AIG1: variants seen among roughly 807,000 people sequenced by gnomAD.
The protein encoded by AIG1 is androgen induced 1, also known as androgen-induced gene 1 protein.
A neutral mutation model predicts 31.4 loss-of-function variants in AIG1; 23 were observed. The ratio of observed to expected loss-of-function variants is 0.73; its 90% CI spans 0.53 to 1.04. The LOEUF (loss-of-function observed/expected upper bound fraction) is 1.04. Ranked by LOEUF, AIG1 falls within the 50% of genes least tolerant of loss-of-function variation. The pLI is 0.00. For synonymous variants in AIG1, 100 were observed against 110.5 expected, an observed-to-expected ratio of 0.90 and a Z score of 0.60; for missense variants, 274 against 295.0, an observed-to-expected ratio of 0.93 and a Z score of 0.52.
chr6:143,240,267 G>A (rs371363420), intron 3 of AIG1, among the ~76,000 whole-genome samples: 11 of 152,204 alleles, frequency 7.2e-5, no homozygotes, highest in African/African-American at 2.7e-4. Flanking sequence ...TATAGGTGGT[G>A]TAGTTTCATA....
At chr6:143,230,681 G>A (rs539605728) in intron 3 of AIG1, among the ~76,000 whole-genome samples, 197 of 151,654 alleles carry the variant, frequency 1.3e-3, no homozygotes, top group African/African-American at 4.7e-3. Flanking sequence ...TCAAACCATG[G>A]ATATTATTAC....
At chr6:143,073,706 A>G (rs763899235) in intron 1 of AIG1, among the ~76,000 whole-genome samples, 7 of 152,160 alleles carry the variant, frequency 4.6e-5, no homozygotes, top group African/African-American at 7.2e-5. Flanking sequence ...ACTAGCATCT[A>G]CTTCTGGGGA....
chr6:143,107,970 A>G (rs910349703), intron 1 of AIG1, among the ~76,000 whole-genome samples: 1 of 152,180 alleles, frequency 6.6e-6, no homozygotes, highest in African/African-American at 2.4e-5. Flanking sequence ...TTCTCTGGAA[A>G]CTGATTTGCT....
chr6:143,334,538 C>G lies in AIG1; in HGVS notation c.679+1093C>G, dbSNP rs761815626. ...TTTCTCATCAGCTTTTGATTTTAAT[C>G]AATGTTCTATTAGAAAAAGTATCAA... is the stretch of plus-strand genomic sequence containing the variant. On this transcript the variant is annotated intron_variant, in intron 5 of 5. Coordinates refer to ENST00000357847, the MANE Select transcript of AIG1 (RefSeq NM_016108.4). This position sits in a 1 kb window ranked among gnomAD's most constrained non-coding sequence, Gnocchi z 5.1. 2.0e-5 allele frequency among the ~76,000 whole-genome samples: 3 copies of G among 152,180 alleles called. No homozygotes were observed. The highest frequency in any genetic ancestry group is 1.3e-4 in the Admixed American group (2 of 15,274).
intron 3 of AIG1, among the ~76,000 whole-genome samples, chr6:143,232,987 CCT>C (rs1399244047): frequency 6.6e-6 from 1 of 152,166 alleles, no homozygotes; most frequent in Non-Finnish European, 1.5e-5. Context: ...TGCTAGTCCC[CCT>C]GAGCCAAATA....
chr6:143,082,624 T>TA (rs1164542932), intron 1 of AIG1, among the ~76,000 whole-genome samples: 1 of 152,212 alleles, frequency 6.6e-6, no homozygotes, highest in Non-Finnish European at 1.5e-5. Context: ...CTGCTTTAGA[T>TA]ACTAAGACTG....
chr6:143,167,203 CA>C (rs145109865), intron 3 of AIG1, among the ~76,000 whole-genome samples: 3 of 152,054 alleles, frequency 2.0e-5, no homozygotes, highest in South Asian at 2.1e-4. Flanking sequence ...AACATTACAC[CA>C]AAAAACATTG....
At chr6:143,073,982 G>A (rs145437662) in intron 1 of AIG1, among the ~76,000 whole-genome samples, 39 of 152,272 alleles carry the variant, frequency 2.6e-4, no homozygotes, top group Non-Finnish European at 4.9e-4. Flanking sequence ...AAACACATTC[G>A]AACTATATCA....
Position 143,298,577 on chromosome 6 carries a change from T to A in AIG1, c.515+14352T>A, listed in dbSNP as rs1017607400. ...GTGTGGTGGCTCATGTCTGTAACCCTAGTCAGGAGGCTCACCTAGGCCCAG... is the reference window on the plus strand; with the variant it reads ...GTGTGGTGGCTCATGTCTGTAACCCAAGTCAGGAGGCTCACCTAGGCCCAG... On this transcript the variant is annotated intron_variant, in intron 4 of 5. Transcript: ENST00000357847. This position sits in a 1 kb window ranked among gnomAD's most constrained non-coding sequence, Gnocchi z 5.1. Among the ~76,000 whole-genome samples, 2 of 152,110 alleles carry A rather than the reference T, an allele frequency of 1.3e-5. No individual in the cohort carries two copies. Among genetic ancestry groups the A allele is most frequent in the Admixed American group, 1.3e-4 (2 of 15,266 alleles).
At chr6:143,070,382 G>A (rs1777137322) in intron 1 of AIG1, among the ~76,000 whole-genome samples, 2 of 152,092 alleles carry the variant, frequency 1.3e-5, no homozygotes, top group Admixed American at 1.3e-4. Flanking sequence ...TATAGTTTGT[G>A]CGTGTATTTT....
At chr6:143,318,942 G>T (rs534169474) in intron 4 of AIG1, among the ~76,000 whole-genome samples, 9 of 152,200 alleles carry the variant, frequency 5.9e-5, no homozygotes, top group African/African-American at 2.2e-4. Context: ...CCTTACTCCT[G>T]CAAGAATGGC....
chr6:143,319,361 GA>G (rs1776019918), intron 4 of AIG1, among the ~76,000 whole-genome samples: 1 of 152,170 alleles, frequency 6.6e-6, no homozygotes, highest in South Asian at 2.1e-4. Context: ...TATTCTAAGT[GA>G]AGTAACTCAG....
intron 3 of AIG1, among the ~76,000 whole-genome samples, chr6:143,204,155 T>G (rs1223943838): frequency 6.6e-6 from 1 of 152,192 alleles, no homozygotes; most frequent in Non-Finnish European, 1.5e-5. Context: ...TCCTCAAAAC[T>G]TACTGGCTTT....
rs550319839 is a variant in AIG1, at chr6:143,103,759, G to T, written c.142-33076G>T. On this transcript the variant is annotated intron_variant, in intron 1 of 5. Transcript: ENST00000357847. Reference sequence around the variant, plus strand: ...CCTGACCTCGTGATCCGCCCGCCTCGGCCTCCCAAAGTGCTGGGATAGAAG... The same window carrying T: ...CCTGACCTCGTGATCCGCCCGCCTCTGCCTCCCAAAGTGCTGGGATAGAAG... 3.9e-5 allele frequency among the ~76,000 whole-genome samples: 6 copies of T among 151,980 alleles called. No individual in the cohort carries two copies. The East Asian group carries it at 1.2e-3, about 29-fold the overall frequency.
At chr6:143,191,188 C>G (rs1789759382) in intron 3 of AIG1, among the ~76,000 whole-genome samples, 1 of 152,216 alleles carries the variant, frequency 6.6e-6, no homozygotes, top group African/African-American at 2.4e-5. Context: ...ATCACGCACA[C>G]TTAACTCTAA....
intron 1 of AIG1, among the ~76,000 whole-genome samples, chr6:143,112,825 C>G (rs1781405521): frequency 6.6e-6 from 1 of 152,138 alleles, no homozygotes; most frequent in Admixed American, 6.6e-5. Flanking sequence ...ATGTAGAGAA[C>G]TGCATGGGAG....
chr6:143,207,386 G>A (rs1791199452), intron 3 of AIG1, among the ~76,000 whole-genome samples: 1 of 151,806 alleles, frequency 6.6e-6, no homozygotes. Context: ...TGTTATTTCT[G>A]TTAATGTCAT....
At chr6:143,310,403 A>G (rs1259253092) in intron 4 of AIG1, among the ~76,000 whole-genome samples, 4 of 151,944 alleles carry the variant, frequency 2.6e-5, no homozygotes, top group Non-Finnish European at 4.4e-5. Context: ...CCCATGGTTC[A>G]AATAAGAAGT....
intron 1 of AIG1, among the ~76,000 whole-genome samples, chr6:143,093,366 C>A (rs1378668220): frequency 6.6e-6 from 1 of 152,236 alleles, no homozygotes; most frequent in Non-Finnish European, 1.5e-5. Flanking sequence ...TCTTCAGCTT[C>A]CTCATCCCTC....
Sources: allele counts gnomAD v4.1 joint callset (sites outside exome capture counted in the v4.1 genomes callset), GRCh38; gene constraint gnomAD v4.1.1; non-coding constraint Gnocchi (gnomAD v3.1); transcripts MANE v1.5; gene names NCBI Gene and HGNC (gene_info 2026-07-23, HGNC 2026-07-21).